The following CDH18 variants were observed in gnomAD, a reference collection of about 807,000 sequenced individuals.
CDH18 encodes the protein cadherin-18.
A neutral mutation model predicts 67.9 loss-of-function variants in CDH18; 31 were observed. That is an observed-to-expected ratio of 0.46 (90% CI 0.34 to 0.62). The LOEUF (loss-of-function observed/expected upper bound fraction) is 0.62, where lower values mean the gene tolerates loss of function less well. Among genes scored for constraint, CDH18 ranks in the 20% least tolerant of loss-of-function variants. The pLI is 0.01. For missense variants in CDH18, 890 were observed against 975.5 expected (o/e 0.91, Z 1.17); for synonymous variants, 362 against 347.2 (o/e 1.04, Z -0.48).
chr5:19,770,244 T>A (rs1773580171), intron 3 of CDH18, among the ~76,000 whole-genome samples: 1 of 151,904 alleles, frequency 6.6e-6, no homozygotes, highest in Admixed American at 6.6e-5. Context: ...AGGGACTTTT[T>A]AAAGAAATTA....
chr5:19,550,630 A>G (rs1435611459), intron 8 of CDH18, among the ~76,000 whole-genome samples: 1 of 152,236 alleles, frequency 6.6e-6, no homozygotes, highest in Non-Finnish European at 1.5e-5. Flanking sequence ...TCCATGGAGT[A>G]TATGTGCCAC....
At chr5:19,694,402 C>A (rs1452415715) in intron 5 of CDH18, among the ~76,000 whole-genome samples, 2 of 152,066 alleles carry the variant, frequency 1.3e-5, no homozygotes, top group Non-Finnish European at 2.9e-5. Flanking sequence ...CCTTCATATG[C>A]TCACATATTG....
intron 1 of CDH18, among the ~76,000 whole-genome samples, chr5:20,268,988 TAATATCCAC>T (rs1250788575): frequency 4.6e-5 from 7 of 152,270 alleles, no homozygotes; most frequent in African/African-American, 1.7e-4. Flanking sequence ...AACAGGGGAT[TAATATCCAC>T]AATATAGAAG....
intron 5 of CDH18, among the ~76,000 whole-genome samples, chr5:19,629,586 T>A (rs1752099997): frequency 6.6e-6 from 1 of 152,130 alleles, no homozygotes; most frequent in Admixed American, 6.6e-5. Context: ...AAGAGGCAAG[T>A]GAGATAAAAG....
At chr5:20,063,177 G>A (rs1742658988) in intron 2 of CDH18, among the ~76,000 whole-genome samples, 1 of 150,412 alleles carries the variant, frequency 6.6e-6, no homozygotes, top group South Asian at 2.1e-4. Flanking sequence ...TTTTTCACTA[G>A]GATATAATTG....
At chr5:20,420,573 G>C (rs1484935888) in intron 1 of CDH18, among the ~76,000 whole-genome samples, 1 of 151,092 alleles carries the variant, frequency 6.6e-6, no homozygotes, top group African/African-American at 2.5e-5. Flanking sequence ...AGTTACAACA[G>C]TTCCCCAGTA....
At chr5:20,082,836 T>C (rs1252695089) in intron 2 of CDH18, among the ~76,000 whole-genome samples, 2 of 152,156 alleles carry the variant, frequency 1.3e-5, no homozygotes, top group African/African-American at 2.4e-5. Context: ...AAGAAATGCT[T>C]GTGGCCACCA....
At chr5:19,631,853 G>C (rs971622013) in intron 5 of CDH18, among the ~76,000 whole-genome samples, 1 of 151,554 alleles carries the variant, frequency 6.6e-6, no homozygotes. Flanking sequence ...ACTTTTTTTG[G>C]TCATTAATTG....
intron 1 of CDH18, among the ~76,000 whole-genome samples, chr5:20,381,097 G>A (rs964552180): frequency 6.6e-6 from 1 of 152,052 alleles, no homozygotes; most frequent in Admixed American, 6.5e-5. Context: ...CCATGAGCAG[G>A]CACAGAGAAA....
chr5:20,334,749 C>G (rs1029619742), intron 1 of CDH18, among the ~76,000 whole-genome samples: 1 of 118,274 alleles, frequency 8.5e-6, no homozygotes, highest in East Asian at 2.9e-4. Flanking sequence ...CTCTCTCTCT[C>G]TCATACACAC....
intron 2 of CDH18, among the ~76,000 whole-genome samples, chr5:20,171,246 G>T (rs1342030814): frequency 3.3e-5 from 5 of 152,044 alleles, no homozygotes; most frequent in Admixed American, 1.3e-4. Flanking sequence ...TAATGGGATT[G>T]CTGGGTTTAA....
chr5:20,402,332 T>C (rs1359868415), intron 1 of CDH18, among the ~76,000 whole-genome samples: 4 of 152,228 alleles, frequency 2.6e-5, no homozygotes, highest in Non-Finnish European at 5.9e-5. Flanking sequence ...TAGATTCACT[T>C]CATCATGCCT....
At chr5:20,263,640 A>C (rs1744825573) in intron 1 of CDH18, among the ~76,000 whole-genome samples, 1 of 152,218 alleles carries the variant, frequency 6.6e-6, no homozygotes, top group Non-Finnish European at 1.5e-5. Flanking sequence ...TATATGGTTA[A>C]CAAATGTTCT....
chr5:19,648,767 C>T (rs538864454), intron 5 of CDH18, among the ~76,000 whole-genome samples: 1 of 151,864 alleles, frequency 6.6e-6, no homozygotes, highest in South Asian at 2.1e-4. Context: ...ATTTTTATGA[C>T]CCCAAATATC....
chr5:20,082,806 G>A (rs1284529065), intron 2 of CDH18, among the ~76,000 whole-genome samples: 1 of 152,180 alleles, frequency 6.6e-6, no homozygotes, highest in Non-Finnish European at 1.5e-5. Flanking sequence ...AAAGCACATG[G>A]AGAATGTTAT....
At chr5:20,352,433 T>C (rs1474346409) in intron 1 of CDH18, among the ~76,000 whole-genome samples, 2 of 152,068 alleles carry the variant, frequency 1.3e-5, no homozygotes, top group Admixed American at 1.3e-4. Context: ...ATCTTGGTTG[T>C]TGAAAGGTCT....
In CDH18 at chr5:20,471,833, T is replaced by TTAAAAAA. The variant is rs757184101; in HGVS notation, c.-580+103628_-580+103629insTTTTTTA. Among the ~76,000 whole-genome samples the TTAAAAAA allele has an allele frequency of 2.7e-3, 137 of 51,466 alleles. 3 individuals carry two copies. Among genetic ancestry groups the TTAAAAAA allele is most frequent in the African/African-American group, 8.4e-3 (130 of 15,474 alleles). 33.8% of individuals were successfully genotyped at this position (51,466 alleles called of 152,430 possible). ...CTGGGCAACAGATCGAGATTCAGTCTAAAAAAAAAAAAAAAAAAGCAAAAG... is the reference window on the plus strand; with the variant it reads ...CTGGGCAACAGATCGAGATTCAGTCTTAAAAAAAAAAAAAAAAAAAAAAAAGCAAAAG... On this transcript the variant is annotated intron_variant, in intron 1 of 14. Transcript: ENST00000507958.
intron 2 of CDH18, among the ~76,000 whole-genome samples, chr5:20,069,006 C>T (rs1273149196): frequency 6.6e-6 from 1 of 152,092 alleles, no homozygotes; most frequent in Non-Finnish European, 1.5e-5. Context: ...CACCTCAACT[C>T]TAACATTAAA....
chr5:20,515,691 A>C (rs1375975504), intron 1 of CDH18, among the ~76,000 whole-genome samples: 1 of 151,930 alleles, frequency 6.6e-6, no homozygotes, highest in Non-Finnish European at 1.5e-5. Flanking sequence ...TTGAACTTCT[A>C]TTCACATTTC....
Sources: allele counts gnomAD v4.1 joint callset (sites outside exome capture counted in the v4.1 genomes callset), GRCh38; gene constraint gnomAD v4.1.1; transcripts MANE v1.5; gene names NCBI Gene and HGNC (gene_info 2026-07-23, HGNC 2026-07-21).